Variants in ADAMDEC1 observed in about 807,000 individuals in gnomAD.
The protein encoded by ADAMDEC1 is ADAM DEC1.
ADAMDEC1 carries 62 observed loss-of-function variants against 60.4 expected under a neutral mutation model. The observed-to-expected ratio is 1.03, with a 90% CI of 0.84 to 1.27. The LOEUF (loss-of-function observed/expected upper bound fraction) is 1.27, where lower values mean the gene tolerates loss of function less well. Ranked by LOEUF, ADAMDEC1 falls within the 50% of genes most tolerant of loss-of-function variation. ADAMDEC1 has a pLI of 0.00. For synonymous variants in ADAMDEC1, 210 were observed against 195.1 expected (o/e 1.08, Z -0.64); for missense variants, 595 against 565.0 (o/e 1.05, Z -0.54).
intron 4 of ADAMDEC1, among the ~76,000 whole-genome samples, chr8:24,394,942 G>A (rs1325242927): frequency 2.0e-5 from 3 of 152,128 alleles, no homozygotes; most frequent in African/African-American, 4.8e-5. Context: ...TTATGTTGAC[G>A]ATATCTCTTC....
At chr8:24,398,832 G>A in intron 8 of ADAMDEC1, 42 bp from the exon 9 acceptor site, 1 of 1,592,436 alleles carries the variant, frequency 6.3e-7, no homozygotes, top group South Asian at 1.1e-5. Context: ...GACACGAAAG[G>A]AATCCTGAAC....
rs776188992 is a variant in ADAMDEC1 at position 24,398,925 on chromosome 8, T to C, written c.814T>C (p.Ser272Pro). 1.9e-5 allele frequency: 31 copies of C among 1,613,762 alleles called. No homozygotes were observed. The East Asian group carries it at 6.9e-4, about 36-fold the overall frequency. ...QVALVGMEIWSDGDKIKVVPS... is the reference protein window; with the variant it reads ...QVALVGMEIWPDGDKIKVVPS... ...GGCCTTGGTAGGTATGGAAATCTGG[T>C]CTGATGGGGATAAGATAAAGGTGGT... is the stretch of plus-strand genomic sequence containing the variant. Residue 272 changes from serine to proline, a missense_variant, in exon 9 of 14, where the codon TCT becomes CCT. By Grantham distance (74) the Ser-to-Pro change is moderately conservative (BLOSUM62 -1). Coordinates refer to ENST00000256412, the MANE Select transcript of ADAMDEC1 (RefSeq NM_014479.3).
intron 12 of ADAMDEC1, 60 bp downstream of exon 12, chr8:24,402,152 A>G (rs1214616561): frequency 4.2e-6 from 6 of 1,431,468 alleles, no homozygotes; most frequent in Non-Finnish European, 5.7e-6. Context: ...TTGTTTTCCA[A>G]TATTCTTTTG....
At chr8:24,404,958 A>G (rs1817853536) in intron 13 of ADAMDEC1, among the ~76,000 whole-genome samples, 1 of 151,978 alleles carries the variant, frequency 6.6e-6, no homozygotes, top group African/African-American at 2.4e-5. Flanking sequence ...ATCACAAAAG[A>G]AAAAAAATCA....
At chr8:24,400,108 G>A in intron 10 of ADAMDEC1, 62 bp from the exon 11 acceptor site, 1 of 1,354,324 alleles carries the variant, frequency 7.4e-7, no homozygotes, top group South Asian at 1.6e-5. Context: ...CATTTTTAAA[G>A]TACTGCACAT....
intron 11 of ADAMDEC1, among the ~76,000 whole-genome samples, chr8:24,401,404 T>C (rs1817763331): frequency 6.6e-6 from 1 of 152,224 alleles, no homozygotes; most frequent in South Asian, 2.1e-4. Flanking sequence ...TGCATATTTA[T>C]GAATTACCTG....
chr8:24,397,528 T>G (rs1817647435), intron 6 of ADAMDEC1, 72 bp downstream of exon 6: 1 of 1,551,388 alleles, frequency 6.4e-7, no homozygotes, highest in African/African-American at 1.4e-5. Context: ...ACTACTATTC[T>G]TAGAAATGAG....
chr8:24,400,226 T>C lies in ADAMDEC1; in HGVS notation c.1068T>C (p.His356=), dbSNP rs1349674618. Residue 356 remains histidine (H), a synonymous_variant, in exon 11 of 14, where the codon CAT becomes CAC. Coordinates refer to ENST00000256412, the MANE Select transcript of ADAMDEC1 (RefSeq NM_014479.3). ...LVGVMSHELG[H]VLGMPDVPFN... ...GAGTGATGTCACATGAGCTGGGCCA[T>C]GTCCTTGGTATGCCTGATGTTCCAT... 3 of 1,611,970 alleles carry C rather than the reference T, an allele frequency of 1.9e-6. No homozygotes were observed. In the East Asian group the frequency reaches 6.7e-5, roughly 36 times the overall value.
At chr8:24,394,318 A>T (rs1186208957) in intron 4 of ADAMDEC1, among the ~76,000 whole-genome samples, 171 bp downstream of exon 4, 1 of 152,210 alleles carries the variant, frequency 6.6e-6, no homozygotes, top group East Asian at 1.9e-4. Context: ...TCTATGATCA[A>T]TGAGACAACA....
chr8:24,395,895 T>C, intron 5 of ADAMDEC1, 99 bp downstream of exon 5: 1 of 898,580 alleles, frequency 1.1e-6, no homozygotes, highest in African/African-American at 1.7e-5. Context: ...TGGTAAATTT[T>C]TCATTGCTGA....
At chr8:24,386,537 C>G (rs751819570) in intron 1 of ADAMDEC1, among the ~76,000 whole-genome samples, 1 of 152,168 alleles carries the variant, frequency 6.6e-6, no homozygotes, top group Non-Finnish European at 1.5e-5. Flanking sequence ...TCTACTGCTC[C>G]TTGTCCCTAT....
intron 12 of ADAMDEC1, 59 bp from the exon 13 acceptor site, chr8:24,403,944 C>A: frequency 1.4e-6 from 2 of 1,397,330 alleles, no homozygotes; most frequent in Non-Finnish European, 2.0e-6. Context: ...ATTCTATCAC[C>A]TAGTCTATGG....
At chr8:24,403,676 G>T (rs1034792770) in intron 12 of ADAMDEC1, among the ~76,000 whole-genome samples, 1 of 151,926 alleles carries the variant, frequency 6.6e-6, no homozygotes, top group South Asian at 2.1e-4. Flanking sequence ...CTTTTGAAAG[G>T]CTTTCTAAAT....
chr8:24,397,752 A>G lies in ADAMDEC1; in HGVS notation c.690+7A>G, dbSNP rs762017205. The G allele has an allele frequency of 2.5e-6, 4 of 1,611,854 alleles. No homozygotes were observed. In the Admixed American group the frequency reaches 5.0e-5, roughly 20 times the overall value. On this transcript the variant is annotated splice_region_variant and intron_variant, in intron 7 of 13. Coordinates refer to ENST00000256412, the MANE Select transcript of ADAMDEC1 (RefSeq NM_014479.3). ...GGTGCTGGATAATGCCTTTGTGAGT[A>G]TGAAACACACGGCCCTCTCGGCCAG...
chr8:24,404,008 T>C lies in ADAMDEC1; in HGVS notation c.1326T>C (p.Cys442=), dbSNP rs1162255718. The C allele has an allele frequency of 5.0e-6, 8 of 1,613,466 alleles. No individual in the cohort carries two copies. Among genetic ancestry groups the C allele is most frequent in the East Asian group, 4.5e-5 (2 of 44,794 alleles). ...ATTGTGTGTGTGCTTTGAAGGAGTG[T>C]ACCAATCTCTGCTGTGAAGCCCTAA... ...EDCDCGSPKE[C]TNLCCEALTC... Residue 442 remains cysteine, a synonymous_variant, in exon 13 of 14, where the codon TGT becomes TGC. Transcript: ENST00000256412.
rs938078406 is a variant in ADAMDEC1 at position 24,386,330 on chromosome 8, A to T, written c.88+1738A>T. ...TCTCACAACTTTCTGGAACTTCCAT[A>T]AAATCTTACCATCATTTTTAACAGT... On this transcript the variant is annotated intron_variant, in intron 1 of 13. Coordinates refer to ENST00000256412, the MANE Select transcript of ADAMDEC1 (RefSeq NM_014479.3). 5.9e-5 allele frequency among the ~76,000 whole-genome samples: 9 copies of T among 152,346 alleles called. No homozygotes were observed. The East Asian group carries it at 9.7e-4, about 16-fold the overall frequency.
At chr8:24,396,162 C>T (rs546999615) in intron 5 of ADAMDEC1, among the ~76,000 whole-genome samples, 16 of 152,202 alleles carry the variant, frequency 1.1e-4, no homozygotes, top group African/African-American at 3.6e-4. Flanking sequence ...TTTCTGTTTA[C>T]GTAGATAATT....
chr8:24,385,935 T>C (rs1298383706), intron 1 of ADAMDEC1, among the ~76,000 whole-genome samples: 2 of 35,982 alleles, frequency 5.6e-5, no homozygotes. Flanking sequence ...AAATAGAACT[T>C]GATTGAAATA....
chr8:24,394,509 A>G (rs1014755761), intron 4 of ADAMDEC1, among the ~76,000 whole-genome samples: 12 of 152,174 alleles, frequency 7.9e-5, no homozygotes, highest in Admixed American at 6.5e-4. Flanking sequence ...TTGGAGATAC[A>G]TGCATTTATC....
Sources: allele counts gnomAD v4.1 joint callset (sites outside exome capture counted in the v4.1 genomes callset), GRCh38; gene constraint gnomAD v4.1.1; transcripts MANE v1.5; gene names NCBI Gene and HGNC (gene_info 2026-07-23, HGNC 2026-07-21).